Variants in P2RY6 observed in about 807,000 individuals in gnomAD.
P2RY6 encodes the protein pyrimidinergic receptor P2Y6.
P2RY6 carries 19 observed loss-of-function variants against 16.3 expected under a neutral mutation model. The observed-to-expected ratio is 1.16, with a 90% confidence interval of 0.81 to 1.71. P2RY6 has a LOEUF of 1.71. Ranked by LOEUF, P2RY6 falls within the 40% of genes most tolerant of loss-of-function variation. The pLI, the probability that P2RY6 is intolerant of heterozygous loss-of-function variation, is 0.00. For synonymous variants in P2RY6, 184 were observed against 201.5 expected, an observed-to-expected ratio of 0.91 and a Z score of 0.74; for missense variants, 389 against 455.5, an observed-to-expected ratio of 0.85 and a Z score of 1.33.
At position 73,297,298 on chromosome 11, in the gene P2RY6, A is replaced by T. The variant is rs1259131228; in HGVS notation, c.780A>T (p.Thr260=). The change falls in exon 3 of 3, where the codon ACA becomes ACT. Residue 260 remains threonine (T), a synonymous_variant. Transcript: ENST00000540124. ...TCCTGCCTTTTCACATCACCAAGAC[A>T]GCCTACCTGGCAGTGCGCTCGACGC... ...ISFLPFHITK[T]AYLAVRSTPG... 10 of 1,609,432 alleles carry T rather than the reference A, an allele frequency of 6.2e-6. No individual in the cohort carries two copies. The highest frequency in any genetic ancestry group is 8.5e-6 in the Non-Finnish European group (10 of 1,178,774).
intron 1 of P2RY6, among the ~76,000 whole-genome samples, chr11:73,290,333 A>AAGAAAG (rs1864173587): frequency 6.6e-6 from 1 of 151,068 alleles, no homozygotes; most frequent in African/African-American, 2.4e-5. Context: ...GAAAGAAAGA[A>AAGAAAG]AGAAAGAAAG....
Position 73,297,722 on chromosome 11 carries a change from T to C in P2RY6, c.*217T>C. On this transcript the variant is annotated 3_prime_UTR_variant, in exon 3 of 3. Coordinates refer to ENST00000540124, the MANE Select transcript of P2RY6 (RefSeq NM_001277204.2). ...GGAGATGGACAGACCTGGGCCTGGC[T>C]CTTGAGAGGTCCCAGTCAGCCATGG... is the stretch of plus-strand genomic sequence containing the variant. 1 of 584,388 alleles carries C rather than the reference T, an allele frequency of 1.7e-6. No individual in the cohort carries two copies. The highest frequency in any genetic ancestry group is 3.1e-6 in the Non-Finnish European group (1 of 320,556). 36.2% of individuals were successfully genotyped at this position (584,388 alleles called of 1,614,324 possible).
chr11:73,291,887 C>T (rs1864265774), intron 1 of P2RY6, among the ~76,000 whole-genome samples: 1 of 152,234 alleles, frequency 6.6e-6, no homozygotes, highest in Non-Finnish European at 1.5e-5. Flanking sequence ...GAACCTGGGC[C>T]TCAAACTCCC....
intron 1 of P2RY6, among the ~76,000 whole-genome samples, chr11:73,287,462 C>A (rs1293891115): frequency 6.6e-6 from 1 of 152,178 alleles, no homozygotes; most frequent in Non-Finnish European, 1.5e-5. Context: ...AAGGGGGATC[C>A]CCCAAAGGAA....
At chr11:73,270,878 C>T (rs961756703), upstream of P2RY6, among the ~76,000 whole-genome samples, 13 of 152,058 alleles carry the variant, frequency 8.5e-5, no homozygotes, top group African/African-American at 3.1e-4. Flanking sequence ...CTAGATGGGG[C>T]CTGTCCACCT....
At chr11:73,283,919 G>C (rs1275989470) in intron 1 of P2RY6, among the ~76,000 whole-genome samples, 1 of 152,164 alleles carries the variant, frequency 6.6e-6, no homozygotes, top group African/African-American at 2.4e-5. Flanking sequence ...GCACAGGGAA[G>C]GTGCTGAAGA....
intron 1 of P2RY6, among the ~76,000 whole-genome samples, chr11:73,282,494 G>C (rs1863804337): frequency 6.6e-6 from 1 of 152,104 alleles, no homozygotes; most frequent in Non-Finnish European, 1.5e-5. Context: ...ACACTTGCAG[G>C]TACTCTGAGG....
chr11:73,293,684 C>T (rs1391878289), intron 1 of P2RY6, among the ~76,000 whole-genome samples: 2 of 152,220 alleles, frequency 1.3e-5, no homozygotes, highest in Non-Finnish European at 2.9e-5. Flanking sequence ...TTTCCTGACA[C>T]AGCCCTGAAG....
chr11:73,272,286 CAAG>C, upstream of P2RY6: 2 of 954,702 alleles, frequency 2.1e-6, no homozygotes, highest in Non-Finnish European at 2.5e-6. Context: ...TGTGCTGTGG[CAAG>C]TTACTTCCTC....
At position 73,297,104 on chromosome 11, in the gene P2RY6, C is replaced by G. The variant is rs1486676669; in HGVS notation, c.586C>G (p.Leu196Val). ...CCACTATATGCCCTATGGCATGGCT[C>G]TCACTGTCATCGGCTTCCTGCTGCC... ...ATHYMPYGMALTVIGFLLPFA... is the reference protein window; with the variant it reads ...ATHYMPYGMAVTVIGFLLPFA... Residue 196 changes from leucine to valine, a missense_variant, in exon 3 of 3, where the codon CTC becomes GTC. Leu to Val is a conservative substitution (Grantham distance 32). Coordinates refer to ENST00000540124, the MANE Select transcript of P2RY6 (RefSeq NM_001277204.2). 2 of 1,603,932 alleles carry G rather than the reference C, an allele frequency of 1.2e-6. No individual in the cohort carries two copies. The highest frequency in any genetic ancestry group is 1.7e-5 in the Admixed American group (1 of 60,032).
chr11:73,271,516 G>A (rs1863307823), upstream of P2RY6: 1 of 152,310 alleles, frequency 6.6e-6, no homozygotes, highest in Admixed American at 6.5e-5. Context: ...GATAGGGACT[G>A]CGAGCACCGG....
At chr11:73,291,368 C>T (rs896259169) in intron 1 of P2RY6, among the ~76,000 whole-genome samples, 5 of 152,154 alleles carry the variant, frequency 3.3e-5, no homozygotes, top group Non-Finnish European at 4.4e-5. Flanking sequence ...GACAGTGACC[C>T]GCCCTGCTGG....
chr11:73,286,444 C>T (rs527730743), intron 1 of P2RY6, among the ~76,000 whole-genome samples: 12 of 152,086 alleles, frequency 7.9e-5, no homozygotes, highest in Admixed American at 5.9e-4. Flanking sequence ...AACCACTTGG[C>T]GGGGTTAGTG....
chr11:73,275,819 T>C (rs1474090961), intron 1 of P2RY6, among the ~76,000 whole-genome samples: 2 of 152,224 alleles, frequency 1.3e-5, no homozygotes, highest in African/African-American at 4.8e-5. Context: ...CTTGGATTCA[T>C]TGGTGAGATT....
chr11:73,294,370 C>A (rs1864391911), intron 1 of P2RY6, among the ~76,000 whole-genome samples: 1 of 152,208 alleles, frequency 6.6e-6, no homozygotes, highest in African/African-American at 2.4e-5. Flanking sequence ...GCAGGGAGGA[C>A]TCCGTGAATC....
chr11:73,284,486 CT>C (rs1398164596), intron 1 of P2RY6, among the ~76,000 whole-genome samples: 1 of 152,160 alleles, frequency 6.6e-6, no homozygotes, highest in African/African-American at 2.4e-5. Flanking sequence ...CTGCCTAGCC[CT>C]GCCAGGCGAA....
chr11:73,297,544 T>C lies in P2RY6; in HGVS notation c.*39T>C, dbSNP rs748518697. The C allele has an allele frequency of 2.0e-6, 3 of 1,530,408 alleles. No homozygotes were observed. In the South Asian group the frequency reaches 3.5e-5, roughly 18 times the overall value. The allele number at this position is 1,530,408 out of a possible 1,614,324, so 94.8% of individuals were successfully genotyped here. On this transcript the variant is annotated 3_prime_UTR_variant, in exon 3 of 3. Transcript: ENST00000540124. ...TGGGCAGCCTTCATATTTGCCATTG[T>C]GTCCGGGGCACCAGGAGCCCCACCA...
At chr11:73,276,412 C>G (rs1212496636) in intron 1 of P2RY6, among the ~76,000 whole-genome samples, 1 of 152,164 alleles carries the variant, frequency 6.6e-6, no homozygotes, top group Non-Finnish European at 1.5e-5. Flanking sequence ...AACTTCTACA[C>G]AAATGTTCAC....
chr11:73,289,492 G>A (rs1329409468), intron 1 of P2RY6: 2 of 152,380 alleles, frequency 1.3e-5, no homozygotes, highest in Non-Finnish European at 2.9e-5. Context: ...GTGGAAGGAA[G>A]GTTGGAGAGT....
Sources: gnomAD v4.1 joint callset for allele counts (sites outside exome capture counted in the v4.1 genomes callset) on GRCh38, gnomAD v4.1.1 for gene constraint, MANE v1.5 for transcripts, NCBI Gene and HGNC (gene_info 2026-07-23, HGNC 2026-07-21) for gene names.